DNAJC1: variants seen among roughly 807,000 people sequenced by gnomAD.
DNAJC1 encodes dnaJ homolog subfamily C member 1.
A neutral mutation model predicts 76.6 loss-of-function variants in DNAJC1; 58 were observed. The ratio of observed to expected loss-of-function variants is 0.76; its 90% CI spans 0.61 to 0.94. DNAJC1 has a LOEUF of 0.94. Ranked by LOEUF, DNAJC1 falls within the 40% of genes least tolerant of loss-of-function variation. DNAJC1 has a pLI of 0.00. For synonymous variants in DNAJC1, 258 were observed against 267.9 expected, an observed-to-expected ratio of 0.96 and a Z score of 0.36; for missense variants, 689 against 677.3, an observed-to-expected ratio of 1.02 and a Z score of -0.19.
chr10:21,888,986 C>G (rs551723980), intron 7 of DNAJC1, among the ~76,000 whole-genome samples: 1 of 152,036 alleles, frequency 6.6e-6, no homozygotes, highest in Admixed American at 6.6e-5. Context: ...AATAAATAAG[C>G]TTTAAAAAAA....
chr10:21,918,896 C>T (rs1260657319), intron 5 of DNAJC1, 24 bp from the exon 6 acceptor site: 9 of 1,498,702 alleles, frequency 6.0e-6, no homozygotes, highest in Non-Finnish European at 8.4e-6. Context: ...GAAAAAAGAA[C>T]ACCATACAAC....
At chr10:21,823,643 G>A (rs981665232) in intron 8 of DNAJC1, among the ~76,000 whole-genome samples, 3 of 151,688 alleles carry the variant, frequency 2.0e-5, no homozygotes, top group Non-Finnish European at 2.9e-5. Flanking sequence ...TAAACCAAGG[G>A]TGTCCAATCT....
chr10:21,966,372 T>C (rs1407026421), intron 1 of DNAJC1, among the ~76,000 whole-genome samples: 1 of 152,098 alleles, frequency 6.6e-6, no homozygotes, highest in East Asian at 1.9e-4. Flanking sequence ...ACCAACTAAT[T>C]TGAGCATCCA....
chr10:21,967,104 A>T (rs746668043), intron 1 of DNAJC1, among the ~76,000 whole-genome samples: 1 of 151,498 alleles, frequency 6.6e-6, no homozygotes. Flanking sequence ...TTAAGTGTAC[A>T]ACTTTTAACA....
At chr10:21,839,911 G>C (rs1309950845) in intron 8 of DNAJC1, among the ~76,000 whole-genome samples, 1 of 152,186 alleles carries the variant, frequency 6.6e-6, no homozygotes, top group Non-Finnish European at 1.5e-5. Context: ...CCATGATTAA[G>C]TGGGCTTCAT....
chr10:21,795,891 C>T (rs1396014463), intron 9 of DNAJC1, among the ~76,000 whole-genome samples: 1 of 151,558 alleles, frequency 6.6e-6, no homozygotes, highest in Non-Finnish European at 1.5e-5. Flanking sequence ...TAGTATCTGT[C>T]CTTATAGGAG....
chr10:21,977,709 A>G (rs1046344790), intron 1 of DNAJC1, among the ~76,000 whole-genome samples: 1 of 152,128 alleles, frequency 6.6e-6, no homozygotes, highest in African/African-American at 2.4e-5. Context: ...ATACATATTT[A>G]AGTTAAGAGT....
At chr10:21,955,439 A>G (rs1433270305) in intron 1 of DNAJC1, among the ~76,000 whole-genome samples, 1 of 152,176 alleles carries the variant, frequency 6.6e-6, no homozygotes, top group African/African-American at 2.4e-5. Flanking sequence ...TTAAAGTATT[A>G]CCTCTGACAA....
chr10:21,850,301 G>T (rs574293989), intron 8 of DNAJC1, among the ~76,000 whole-genome samples: 1 of 152,134 alleles, frequency 6.6e-6, no homozygotes, highest in Admixed American at 6.5e-5. Context: ...AACGCAGTTG[G>T]GTTTCTAGAC....
At chr10:21,995,268 T>C (rs866328703) in intron 1 of DNAJC1, among the ~76,000 whole-genome samples, 1 of 152,178 alleles carries the variant, frequency 6.6e-6, no homozygotes, top group Non-Finnish European at 1.5e-5. Context: ...CTAAGATTTC[T>C]TCATGGTCTA....
chr10:21,830,755 C>A (rs1309405584), intron 8 of DNAJC1, among the ~76,000 whole-genome samples: 1 of 152,156 alleles, frequency 6.6e-6, no homozygotes, highest in Non-Finnish European at 1.5e-5. Flanking sequence ...CCATCCTTAT[C>A]TGTTGGTTCT....
intron 1 of DNAJC1, among the ~76,000 whole-genome samples, chr10:21,957,117 C>T (rs900170558): frequency 6.6e-6 from 1 of 151,958 alleles, no homozygotes; most frequent in Non-Finnish European, 1.5e-5. Context: ...GTCTTGAACT[C>T]CTGACCTCGT....
chr10:21,902,148 T>G (rs916125322), intron 7 of DNAJC1, among the ~76,000 whole-genome samples: 6 of 152,182 alleles, frequency 3.9e-5, no homozygotes, highest in Admixed American at 6.5e-5. Flanking sequence ...CAGCATAGTA[T>G]GAGGAATGTT....
chr10:21,782,446 G>T (rs556717432), intron 9 of DNAJC1, among the ~76,000 whole-genome samples: 2 of 152,066 alleles, frequency 1.3e-5, no homozygotes, highest in South Asian at 2.1e-4. Flanking sequence ...ATTCACAGCC[G>T]AATTCTACCA....
intron 8 of DNAJC1, among the ~76,000 whole-genome samples, chr10:21,836,144 A>C (rs1835449162): frequency 1.3e-5 from 2 of 152,262 alleles, no homozygotes; most frequent in African/African-American, 4.8e-5. Context: ...GAAACTCTAC[A>C]AGCCAGAAGA....
chr10:21,764,170 C>T (rs1834270514), intron 10 of DNAJC1, among the ~76,000 whole-genome samples: 1 of 152,050 alleles, frequency 6.6e-6, no homozygotes, highest in Non-Finnish European at 1.5e-5. Flanking sequence ...AACTATGGGG[C>T]AGACATCTAT....
chr10:21,918,854 C>G lies in DNAJC1; in HGVS notation c.654G>C (p.Gln218His), dbSNP rs1836995200. 6.2e-7 allele frequency: 1 copy of G among 1,612,892 alleles called. No homozygotes were observed. The highest frequency in any genetic ancestry group is 1.1e-5 in the South Asian group (1 of 91,034). The change falls in exon 6 of 12, where the codon CAG becomes CAC. Residue 218 changes from glutamine (Q) to histidine (H), a missense_variant. By Grantham distance (24) the Gln-to-His change is conservative (BLOSUM62 0). Transcript: ENST00000376980. Reference sequence around the variant, plus strand: ...GTTTGCATGGAAGCAAATCATGCCACTGTGGTTTCATCAGCAATCTAAAGG... The same window carrying G: ...GTTTGCATGGAAGCAAATCATGCCAGTGTGGTTTCATCAGCAATCTAAAGG... ...EKNERLLMKP[Q>H]WHDLLPCKLG...
chr10:21,782,411 C>T (rs1331059217), intron 9 of DNAJC1, among the ~76,000 whole-genome samples: 1 of 152,086 alleles, frequency 6.6e-6, no homozygotes, highest in African/African-American at 2.4e-5. Context: ...AGCCTACCAA[C>T]CAAAAAAAGT....
intron 3 of DNAJC1, among the ~76,000 whole-genome samples, chr10:21,923,346 T>C (rs933973146): frequency 2.2e-4 from 33 of 152,134 alleles, no homozygotes; most frequent in African/African-American, 6.0e-4. Flanking sequence ...TGATGAAACA[T>C]TGAAAATACA....
Sources: allele counts gnomAD v4.1 joint callset (sites outside exome capture counted in the v4.1 genomes callset), GRCh38; gene constraint gnomAD v4.1.1; transcripts MANE v1.5; gene names NCBI Gene and HGNC (gene_info 2026-07-23, HGNC 2026-07-21).